The following CTSV variants were observed in gnomAD, a reference collection of about 807,000 sequenced individuals.
CTSV encodes cathepsin L2.
CTSV carries 33 observed loss-of-function variants against 35.6 expected under a neutral mutation model. The ratio of observed to expected loss-of-function variants is 0.93; its 90% CI spans 0.70 to 1.24. The LOEUF is 1.24. Among genes scored for constraint, CTSV ranks in the 50% most tolerant of loss-of-function variants. The pLI is 0.00. For synonymous variants in CTSV, 154 were observed against 147.1 expected (o/e 1.05, Z -0.34); for missense variants, 408 against 413.1 (o/e 0.99, Z 0.11).
chr9:97,038,134 T>A (rs1828889478), intron 1 of CTSV, 81 bp from the exon 2 acceptor site: 1 of 1,390,264 alleles, frequency 7.2e-7, no homozygotes, highest in Non-Finnish European at 9.8e-7. Flanking sequence ...TAGAAATATT[T>A]CAATTATTCT....
At position 97,031,099 on chromosome 9, in the gene CTSV, T is replaced by A. The variant is rs1828737778; in HGVS notation, c.*1850A>T. Reference sequence around the variant, plus strand: ...TGTTTTGACAGATTTGAAATTTTTTTATTTGAATAAAAAGCCATCACTCTT... The same window carrying A: ...TGTTTTGACAGATTTGAAATTTTTTAATTTGAATAAAAAGCCATCACTCTT... On this transcript the variant is annotated 3_prime_UTR_variant, in exon 8 of 8. Coordinates refer to ENST00000259470, the MANE Select transcript of CTSV (RefSeq NM_001333.4). 6.6e-6 allele frequency: 1 copy of A among 152,246 alleles called. No individual in the cohort carries two copies. The allele number at this position is 152,246 out of a possible 1,614,324, so 9.4% of individuals were successfully genotyped here. A position where few individuals can be genotyped will look rare whatever the true frequency, so the allele number is the denominator to read the frequency against.
In CTSV at chr9:97,036,552, A is replaced by C. The variant is rs1445606882; in HGVS notation, c.592T>G (p.Ser198Ala). ...QYVKENGGLD[S>A]EESYPYVAVD... ...GCTACATATGGATAGGATTCCTCAGAGTCCAGGCCTCCGTTCTCCTTGACA... is the reference window on the plus strand; with the variant it reads ...GCTACATATGGATAGGATTCCTCAGCGTCCAGGCCTCCGTTCTCCTTGACA... The change falls in exon 5 of 8, where the codon TCT (serine) becomes GCT (alanine). Residue 198 changes from serine to alanine, a missense_variant. By Grantham distance (99) the Ser-to-Ala change is moderately conservative. Coordinates refer to ENST00000259470, the MANE Select transcript of CTSV (RefSeq NM_001333.4). 1 of 1,613,970 alleles carries C rather than the reference A, an allele frequency of 6.2e-7. No individual in the cohort carries two copies. The highest frequency in any genetic ancestry group is 8.5e-7 in the Non-Finnish European group (1 of 1,179,884).
Position 97,032,893 on chromosome 9 carries a change from A to G in CTSV, c.*56T>C. 1.5e-6 allele frequency: 2 copies of G among 1,301,508 alleles called. No individual in the cohort carries two copies. The highest frequency in any genetic ancestry group is 2.2e-6 in the Non-Finnish European group (2 of 924,954). The allele number at this position is 1,301,508 out of a possible 1,614,324, so 80.6% of individuals were successfully genotyped here. ...CAATAAGCGTTTGGTCAGTTTCAAG[A>G]TAAAATTTCCCCAGACATGCTGTCC... On this transcript the variant is annotated 3_prime_UTR_variant, in exon 8 of 8. Transcript: ENST00000259470.
intron 6 of CTSV, 99 bp from the exon 7 acceptor site, chr9:97,034,942 G>A: frequency 1.2e-6 from 1 of 856,632 alleles, no homozygotes; most frequent in Non-Finnish European, 1.9e-6. Flanking sequence ...TCTAAATTCA[G>A]TAAAATGTCA....
In CTSV at chr9:97,029,794, G is replaced by C. The variant is rs1297863635; in HGVS notation, c.*3155C>G. The C allele has an allele frequency of 6.6e-6, 1 of 152,188 alleles. No individual in the cohort carries two copies. Among genetic ancestry groups the C allele is most frequent in the Non-Finnish European group, 1.5e-5 (1 of 68,012 alleles). 9.4% of individuals were successfully genotyped at this position (152,188 alleles called of 1,614,324 possible). A position where few individuals can be genotyped will look rare whatever the true frequency, so the allele number is the denominator to read the frequency against. On this transcript the variant is annotated 3_prime_UTR_variant, in exon 8 of 8. Transcript: ENST00000259470. ...CAAGTCATGTGCTGTGTGATGTTTT[G>C]GTCAGTGACTGCATATATGATAGTG...
intron 6 of CTSV, among the ~76,000 whole-genome samples, 159 bp downstream of exon 6, chr9:97,035,369 C>CA (rs1828827687): frequency 6.6e-6 from 1 of 152,212 alleles, no homozygotes; most frequent in South Asian, 2.1e-4. Context: ...AGAAGTTTAA[C>CA]ATAACTAAGT....
Position 97,036,635 on chromosome 9 carries a change from G to A in CTSV, c.509C>T (p.Ser170Leu), listed in dbSNP as rs751436548. 53 of 1,613,742 alleles carry A rather than the reference G, an allele frequency of 3.3e-5. No homozygotes were observed. The East Asian group carries it at 5.3e-4, about 16-fold the overall frequency. ...GCAGCCCTGATTGCCTTGAGGACGC[G>A]AACAGTCCACCAGATTCTGCTCGCT... is the stretch of plus-strand genomic sequence containing the variant. ...SLSEQNLVDCSRPQGNQGCNG... is the reference protein window; with the variant it reads ...SLSEQNLVDCLRPQGNQGCNG... The change falls in exon 5 of 8, where the codon TCG becomes TTG. Residue 170 changes from serine to leucine, a missense_variant. Ser to Leu is a moderately radical substitution (Grantham distance 145). Coordinates refer to ENST00000259470, the MANE Select transcript of CTSV (RefSeq NM_001333.4).
At chr9:97,036,314 G>A (rs572128218) in intron 5 of CTSV, 13 of 583,008 alleles carry the variant, frequency 2.2e-5, no homozygotes, top group Admixed American at 1.7e-4. Flanking sequence ...CTCGTGATCC[G>A]CCTGTCTCGG....
chr9:97,033,834 G>C (rs755731748), intron 7 of CTSV, among the ~76,000 whole-genome samples: 1 of 152,110 alleles, frequency 6.6e-6, no homozygotes, highest in Admixed American at 6.6e-5. Flanking sequence ...GGTGGCTCAT[G>C]TCTGTAATAC....
Position 97,036,645 on chromosome 9 carries a change from C to G in CTSV, c.499G>C (p.Val167Leu), listed in dbSNP as rs77372598. The G allele has an allele frequency of 7.8e-4, 1,267 of 1,614,012 alleles. 11 individuals are homozygous for G. The African/African-American group carries it at 0.014, about 18-fold the overall frequency. ...TTGCCTTGAGGACGCGAACAGTCCA[C>G]CAGATTCTGCTCGCTCAGTGAGACA... ...KLVSLSEQNL[V>L]DCSRPQGNQG... is the part of the protein sequence containing the mutation. Residue 167 changes from valine (V) to leucine (L), a missense_variant, in exon 5 of 8, where the codon GTG becomes CTG. Val to Leu is a conservative substitution (Grantham distance 32). Transcript: ENST00000259470.
chr9:97,039,349 CG>C, upstream of CTSV: 1 of 152,974 alleles, frequency 6.5e-6, no homozygotes, highest in Non-Finnish European at 1.5e-5. Flanking sequence ...GCCGGGCGCC[CG>C]GGGGCTGCGC....
Position 97,030,024 on chromosome 9 carries a change from G to T in CTSV, c.*2925C>A, listed in dbSNP as rs1352391004. On this transcript the variant is annotated 3_prime_UTR_variant, in exon 8 of 8. Coordinates refer to ENST00000259470, the MANE Select transcript of CTSV (RefSeq NM_001333.4). ...GGTTTGTGTCAGTGTACTCTATGATGTTCACGTCACGATGAAATCACCCAA... is the reference window on the plus strand; with the variant it reads ...GGTTTGTGTCAGTGTACTCTATGATTTTCACGTCACGATGAAATCACCCAA... 1 of 152,164 alleles carries T rather than the reference G, an allele frequency of 6.6e-6. No homozygotes were observed. The allele number at this position is 152,164 out of a possible 1,614,324, so 9.4% of individuals were successfully genotyped here.
rs1338435960 is a variant in CTSV, at chr9:97,031,262, G to A, written c.*1687C>T. 2.6e-5 allele frequency: 4 copies of A among 152,222 alleles called. No homozygotes were observed. The South Asian group carries it at 8.3e-4, about 32-fold the overall frequency. The allele number at this position is 152,222 out of a possible 1,614,324, so 9.4% of individuals were successfully genotyped here. A position where few individuals can be genotyped will look rare whatever the true frequency, so the allele number is the denominator to read the frequency against. On this transcript the variant is annotated 3_prime_UTR_variant, in exon 8 of 8. Transcript: ENST00000259470. ...AGAAAACTCAAGACTGAATATGGTA[G>A]ACTGGATTTTCCAGAGATGGCTGTG... is the stretch of plus-strand genomic sequence containing the variant.
Position 97,037,569 on chromosome 9 carries a change from A to C in CTSV, c.173T>G (p.Met58Arg). The C allele has an allele frequency of 6.2e-7, 1 of 1,614,026 alleles. No homozygotes were observed. Among genetic ancestry groups the C allele is most frequent in the Non-Finnish European group, 8.5e-7 (1 of 1,179,996 alleles). Residue 58 changes from methionine to arginine, a missense_variant, in exon 3 of 8, where the codon ATG (methionine) becomes AGG (arginine). Coordinates refer to ENST00000259470, the MANE Select transcript of CTSV (RefSeq NM_001333.4). ...RRAVWEKNMKMIELHNGEYSQ... is the reference protein window; with the variant it reads ...RRAVWEKNMKRIELHNGEYSQ... ...GTATTCCCCATTGTGCAGTTCAATCATTTTCATATTCTTTTCCCACACTGC... is the reference window on the plus strand; with the variant it reads ...GTATTCCCCATTGTGCAGTTCAATCCTTTTCATATTCTTTTCCCACACTGC...
intron 1 of CTSV, 49 bp from the exon 2 acceptor site, chr9:97,038,102 C>G: frequency 6.4e-7 from 1 of 1,551,538 alleles, no homozygotes; most frequent in Non-Finnish European, 8.8e-7. Flanking sequence ...TCCTAAAAAG[C>G]CATCTTACAG....
At chr9:97,033,453 TAAAA>T (rs34754643) in intron 7 of CTSV, among the ~76,000 whole-genome samples, 2 of 118,148 alleles carry the variant, frequency 1.7e-5, no homozygotes, top group Non-Finnish European at 1.9e-5. Context: ...TCTACTAAAT[TAAAA>T]AAAAAAAAAA....
Position 97,034,721 on chromosome 9 carries a change from T to C in CTSV, c.905+5A>G, listed in dbSNP as rs897457600. On this transcript the variant is annotated splice_donor_5th_base_variant and intron_variant, in intron 7 of 7. Coordinates refer to ENST00000259470, the MANE Select transcript of CTSV (RefSeq NM_001333.4). ...AAATTCCCTTTTCAATTTTGAGTTTTATACCTGTTTTTGACGAGCCAATAC... is the reference window on the plus strand; with the variant it reads ...AAATTCCCTTTTCAATTTTGAGTTTCATACCTGTTTTTGACGAGCCAATAC... The C allele has an allele frequency of 1.2e-6, 2 of 1,609,650 alleles. No individual in the cohort carries two copies. Among genetic ancestry groups the C allele is most frequent in the African/African-American group, 2.7e-5 (2 of 74,974 alleles).
intron 7 of CTSV, among the ~76,000 whole-genome samples, chr9:97,034,215 T>C (rs1828806084): frequency 6.6e-6 from 1 of 152,226 alleles, no homozygotes; most frequent in Non-Finnish European, 1.5e-5. Context: ...CATACTACCT[T>C]ATGTCACATC....
In CTSV at chr9:97,036,741, ACT is replaced by A. The variant is rs771247968; in HGVS notation, c.401_402del (p.Gln134LeufsTer8). 51 of 1,592,142 alleles carry A rather than the reference ACT, an allele frequency of 3.2e-5. No individual in the cohort carries two copies. The African/African-American group carries it at 6.1e-4, about 19-fold the overall frequency. On this transcript the variant is annotated frameshift_variant, in exon 5 of 8. Coordinates refer to ENST00000259470, the MANE Select transcript of CTSV (RefSeq NM_001333.4). LOFTEE classifies it high-confidence loss of function. Reference protein sequence around the residue: ...GYVTPVKNQKQCGSCWAFSAT... With the variant: ...GYVTPVKNQKXCGSCWAFSAT... ...GCACTAAAAGCCCAACAAGAACCACACTGTTTCTAAAAAGGGAGAAAAAAAAA... is the reference window on the plus strand; with the variant it reads ...GCACTAAAAGCCCAACAAGAACCACAGTTTCTAAAAAGGGAGAAAAAAAAA...
Sources: gnomAD v4.1 joint callset for allele counts (sites outside exome capture counted in the v4.1 genomes callset) on GRCh38, gnomAD v4.1.1 for gene constraint, MANE v1.5 for transcripts, NCBI Gene and HGNC (gene_info 2026-07-23, HGNC 2026-07-21) for gene names.